MAPKAP1: variants seen among roughly 807,000 people sequenced by gnomAD.
MAPKAP1 encodes target of rapamycin complex 2 subunit MAPKAP1.
Under a neutral mutation model 65.7 loss-of-function variants are expected in MAPKAP1, and 20 were observed. That is an observed-to-expected ratio of 0.30 (90% CI 0.21 to 0.44). The LOEUF (loss-of-function observed/expected upper bound fraction) is 0.44. Among genes scored for constraint, MAPKAP1 ranks in the 20% least tolerant of loss-of-function variants. The pLI, the probability that MAPKAP1 is intolerant of heterozygous loss-of-function variation, is 1.00. For synonymous variants in MAPKAP1, 222 were observed against 244.3 expected, an observed-to-expected ratio of 0.91 and a Z score of 0.85; for missense variants, 423 against 648.0, an observed-to-expected ratio of 0.65 and a Z score of 3.77.
intron 6 of MAPKAP1, among the ~76,000 whole-genome samples, chr9:125,548,066 TA>T (rs1310513646): frequency 6.6e-6 from 1 of 152,218 alleles, no homozygotes; most frequent in Non-Finnish European, 1.5e-5. Context: ...TTAAGCTTTT[TA>T]AAAAATATCT....
chr9:125,665,099 C>T (rs994832271), intron 3 of MAPKAP1, among the ~76,000 whole-genome samples: 9 of 152,002 alleles, frequency 5.9e-5, no homozygotes, highest in Non-Finnish European at 1.2e-4. Flanking sequence ...GCCAGGAGTT[C>T]AAGATCAGCC....
intron 3 of MAPKAP1, among the ~76,000 whole-genome samples, chr9:125,660,357 A>G (rs1834148290): frequency 6.6e-6 from 1 of 152,158 alleles, no homozygotes; most frequent in African/African-American, 2.4e-5. Context: ...AGTTATATAA[A>G]TGTATATGTC....
At chr9:125,568,918 A>T (rs976583989) in intron 5 of MAPKAP1, 5 of 169,502 alleles carry the variant, frequency 2.9e-5, no homozygotes, top group Non-Finnish European at 2.7e-5. Flanking sequence ...TGAATGGTTT[A>T]AAAAAAAAAT....
At chr9:125,552,254 T>C (rs1248445735) in intron 6 of MAPKAP1, among the ~76,000 whole-genome samples, 1 of 152,290 alleles carries the variant, frequency 6.6e-6, no homozygotes, top group East Asian at 1.9e-4. Context: ...GTTAGAATAA[T>C]CCATTCTCCT....
chr9:125,528,357 C>A (rs1829832496), intron 7 of MAPKAP1, among the ~76,000 whole-genome samples: 1 of 152,204 alleles, frequency 6.6e-6, no homozygotes, highest in Non-Finnish European at 1.5e-5. Context: ...TCATTTACTG[C>A]TCATGAATTT....
chr9:125,600,434 A>G (rs1297348003), intron 4 of MAPKAP1, among the ~76,000 whole-genome samples: 1 of 152,212 alleles, frequency 6.6e-6, no homozygotes, highest in African/African-American at 2.4e-5. Context: ...TCTTAAAGTC[A>G]GTTTCCTCTC....
chr9:125,446,825 C>T (rs1398305087), intron 10 of MAPKAP1, among the ~76,000 whole-genome samples: 1 of 152,134 alleles, frequency 6.6e-6, no homozygotes, highest in Non-Finnish European at 1.5e-5. Flanking sequence ...CAAAACCAAA[C>T]CAAACCTCAA....
intron 9 of MAPKAP1, 38 bp downstream of exon 9, chr9:125,484,405 A>G (rs761277368): frequency 6.4e-7 from 1 of 1,573,792 alleles, no homozygotes; most frequent in Non-Finnish European, 8.6e-7. Context: ...CCGACTGCTG[A>G]CACGACAAGC....
At chr9:125,693,169 T>C (rs1332628564) in intron 1 of MAPKAP1, among the ~76,000 whole-genome samples, 2 of 152,040 alleles carry the variant, frequency 1.3e-5, no homozygotes, top group Non-Finnish European at 2.9e-5. Flanking sequence ...TCCCAGCACT[T>C]TGGGAGGCCG....
At chr9:125,464,928 T>C (rs1388035844) in intron 10 of MAPKAP1, among the ~76,000 whole-genome samples, 1 of 152,218 alleles carries the variant, frequency 6.6e-6, no homozygotes, top group Non-Finnish European at 1.5e-5. Flanking sequence ...CTGGCCACAG[T>C]CGAAGGTTTA....
chr9:125,669,142 T>G (rs1381675580), intron 3 of MAPKAP1, among the ~76,000 whole-genome samples: 4 of 139,450 alleles, frequency 2.9e-5, no homozygotes, highest in Non-Finnish European at 6.1e-5. Flanking sequence ...ATGGCACCAC[T>G]GCACTCCAGC....
intron 8 of MAPKAP1, among the ~76,000 whole-genome samples, chr9:125,488,598 G>A (rs1346405760): frequency 2.0e-5 from 3 of 152,226 alleles, no homozygotes; most frequent in African/African-American, 2.4e-5. Context: ...CACCCGCCTC[G>A]GCCTCCCAAA....
intron 4 of MAPKAP1, among the ~76,000 whole-genome samples, chr9:125,643,287 T>C (rs1833632694): frequency 6.6e-6 from 1 of 150,954 alleles, no homozygotes; most frequent in South Asian, 2.1e-4. Flanking sequence ...CTCTGCCTCC[T>C]GGGTTCAAGC....
chr9:125,546,802 C>A (rs1039817198), intron 6 of MAPKAP1, among the ~76,000 whole-genome samples: 1 of 151,992 alleles, frequency 6.6e-6, no homozygotes. Flanking sequence ...GGAGCTGTGG[C>A]GGGGTGATCA....
At chr9:125,501,304 TGAC>T (rs1828973659) in intron 8 of MAPKAP1, among the ~76,000 whole-genome samples, 1 of 152,236 alleles carries the variant, frequency 6.6e-6, no homozygotes. Flanking sequence ...CTATTTGTCT[TGAC>T]ATTTTTTCCC....
intron 3 of MAPKAP1, among the ~76,000 whole-genome samples, chr9:125,660,918 C>G (rs1389633299): frequency 6.6e-6 from 1 of 152,008 alleles, no homozygotes; most frequent in Non-Finnish European, 1.5e-5. Context: ...AATTGATAAA[C>G]CTGACCACAT....
intron 5 of MAPKAP1, among the ~76,000 whole-genome samples, chr9:125,574,932 T>C (rs1049425288): frequency 1.3e-5 from 2 of 152,196 alleles, no homozygotes; most frequent in Non-Finnish European, 2.9e-5. Context: ...TAGTAGGCGT[T>C]AACACCAGAA....
At chr9:125,675,547 T>G (rs1834619588) in intron 1 of MAPKAP1, among the ~76,000 whole-genome samples, 1 of 152,226 alleles carries the variant, frequency 6.6e-6, no homozygotes, top group African/African-American at 2.4e-5. Flanking sequence ...AAGGAATCTG[T>G]ATGATTCATT....
intron 4 of MAPKAP1, among the ~76,000 whole-genome samples, chr9:125,630,856 G>A (rs1359614224): frequency 1.3e-5 from 2 of 152,102 alleles, no homozygotes; most frequent in East Asian, 3.8e-4. Context: ...TTAAAAAGAG[G>A]TTGGGTTGAT....
Sources: gnomAD v4.1 joint callset for allele counts (sites outside exome capture counted in the v4.1 genomes callset) on GRCh38, gnomAD v4.1.1 for gene constraint, MANE v1.5 for transcripts, NCBI Gene and HGNC (gene_info 2026-07-23, HGNC 2026-07-21) for gene names.